JAK2: variants seen among roughly 807,000 people sequenced by gnomAD.
JAK2 encodes Janus kinase 2.
In JAK2, 86 loss-of-function variants were observed where a neutral mutation model predicts 139.3. That is an observed-to-expected ratio of 0.62 (90% CI 0.52 to 0.74). JAK2 has a LOEUF of 0.74. JAK2 is among the 30% of genes least tolerant of loss of function. JAK2 has a pLI of 0.00. For missense variants in JAK2, 1,421 were observed against 1,360.3 expected, an observed-to-expected ratio of 1.04 and a Z score of -0.70; for synonymous variants, 490 against 437.7, an observed-to-expected ratio of 1.12 and a Z score of -1.49.
rs1239611331 is a variant in JAK2, at chr9:5,128,221, T to C, written c.*1430T>C. The C allele has an allele frequency of 4.3e-6, 1 of 231,438 alleles. No homozygotes were observed. Among genetic ancestry groups the C allele is most frequent in the Non-Finnish European group, 8.6e-6 (1 of 116,882 alleles). The allele number at this position is 231,438 out of a possible 1,614,324, so 14.3% of individuals were successfully genotyped here. A position where few individuals can be genotyped will look rare whatever the true frequency, so the allele number is the denominator to read the frequency against. On this transcript the variant is annotated 3_prime_UTR_variant, in exon 25 of 25. Transcript: ENST00000381652. The stretch of plus-strand genomic sequence containing the variant: ...TGTTCTACTTTTTTGAAAGTTGTAC[T>C]GAAGACTTCTGATTTTGGGTTGAAG...
At chr9:5,033,812 C>A (rs549824949) in intron 4 of JAK2, among the ~76,000 whole-genome samples, 1 of 152,132 alleles carries the variant, frequency 6.6e-6, no homozygotes, top group East Asian at 1.9e-4. Flanking sequence ...ACCATCGAGG[C>A]TAGGAAGAAA....
intron 5 of JAK2, among the ~76,000 whole-genome samples, chr9:5,047,960 A>G (rs1369068033): frequency 1.3e-5 from 2 of 152,154 alleles, no homozygotes; most frequent in East Asian, 3.8e-4. Context: ...TATAATATTT[A>G]AGGAATAGTA....
chr9:5,044,304 G>C (rs1816838195), intron 4 of JAK2, 99 bp from the exon 5 acceptor site: 2 of 752,350 alleles, frequency 2.7e-6, no homozygotes, highest in African/African-American at 1.8e-5. Context: ...TCTAAGTATG[G>C]GATAATACCT....
rs145480096 is a variant in JAK2 at position 5,102,295 on chromosome 9, T to C, written c.3059+11384T>C. ...CAAGTGGAAGAAAGGGTATCAGTGA[T>C]TGAAGATCAAATTAATGAAATAAAG... is the stretch of plus-strand genomic sequence containing the variant. On this transcript the variant is annotated intron_variant, in intron 22 of 24. Transcript: ENST00000381652. Among the ~76,000 whole-genome samples, 277 of 152,174 alleles carry C rather than the reference T, an allele frequency of 1.8e-3. 2 individuals carry two copies. Among genetic ancestry groups the C allele is most frequent in the African/African-American group, 6.3e-3 (263 of 41,500 alleles).
chr9:5,017,103 A>G (rs1049372514), intron 2 of JAK2, among the ~76,000 whole-genome samples: 2 of 152,356 alleles, frequency 1.3e-5, no homozygotes, highest in East Asian at 3.9e-4. Context: ...GAGTGATAGC[A>G]GACTTCATAT....
At chr9:5,109,966 C>T (rs1390595547) in intron 22 of JAK2, 1 of 152,160 alleles carries the variant, frequency 6.6e-6, no homozygotes, top group African/African-American at 2.4e-5. Context: ...AATACAGCAG[C>T]CCTCCAAGCA....
chr9:5,069,158 C>G lies in JAK2; in HGVS notation c.1463C>G (p.Ser488Ter). The change falls in exon 11 of 25, where the codon TCA becomes TGA. Residue 488 changes from serine to a stop codon, truncating the protein, a stop_gained. Coordinates refer to ENST00000381652, the MANE Select transcript of JAK2 (RefSeq NM_004972.4). LOFTEE classifies it high-confidence loss of function. ...TGTTACCAGATGGAAACTGTTCGCT[C>G]AGACAATATAATTTTCCAGTTTACT... ...LNCYQMETVR[S>*]DNIIFQFTKC... is the part of the protein sequence containing the mutation. 1 of 1,612,086 alleles carries G rather than the reference C, an allele frequency of 6.2e-7. No individual in the cohort carries two copies.
At chr9:5,068,145 C>T (rs1455945352) in intron 10 of JAK2, among the ~76,000 whole-genome samples, 5 of 132,006 alleles carry the variant, frequency 3.8e-5, no homozygotes, top group African/African-American at 1.8e-4. Flanking sequence ...GGCGACAGAG[C>T]GAGACACGGT....
chr9:5,062,214 T>C (rs1204270253), intron 8 of JAK2, among the ~76,000 whole-genome samples: 1 of 151,962 alleles, frequency 6.6e-6, no homozygotes, highest in Non-Finnish European at 1.5e-5. Context: ...ACATTTTGCA[T>C]ATATGGGTTC....
chr9:5,055,098 C>T (rs1208183059), intron 7 of JAK2, among the ~76,000 whole-genome samples: 1 of 151,660 alleles, frequency 6.6e-6, no homozygotes, highest in Admixed American at 6.6e-5. Context: ...AAAATAATTA[C>T]CAATGACTAT....
intron 2 of JAK2, among the ~76,000 whole-genome samples, chr9:5,003,330 G>A (rs1160659978): frequency 1.3e-5 from 2 of 151,858 alleles, no homozygotes; most frequent in Non-Finnish European, 2.9e-5. Context: ...ACCATACTGA[G>A]TTTTTCTGTA....
intron 23 of JAK2, among the ~76,000 whole-genome samples, chr9:5,124,407 A>G (rs1823842629): frequency 6.6e-6 from 1 of 151,762 alleles, no homozygotes; most frequent in South Asian, 2.1e-4. Flanking sequence ...ATATGGGTCC[A>G]GTTTCATTCT....
At chr9:5,015,518 AT>A (rs1821985760) in intron 2 of JAK2, among the ~76,000 whole-genome samples, 2 of 148,088 alleles carry the variant, frequency 1.4e-5, no homozygotes, top group African/African-American at 2.5e-5. Flanking sequence ...TGATCATTGT[AT>A]TCTTTTTCTT....
In JAK2 at chr9:5,072,424, G is replaced by A. The variant is rs964976682; in HGVS notation, c.1642-68G>A. 3.1e-5 allele frequency: 37 copies of A among 1,186,554 alleles called. No homozygotes were observed. The African/African-American group carries it at 4.9e-4, about 16-fold the overall frequency. 73.5% of individuals were successfully genotyped at this position (1,186,554 alleles called of 1,614,324 possible). On this transcript the variant is annotated intron_variant, in intron 12 of 24. Transcript: ENST00000381652. The stretch of plus-strand genomic sequence containing the variant: ...TTAAAAAAATTCTTCCTCATTGAAT[G>A]TATTTTCTTGTTCCTACTTCGTTCT...
At chr9:5,065,068 T>A (rs1259446593) in intron 9 of JAK2, 28 bp downstream of exon 9, 1 of 1,450,670 alleles carries the variant, frequency 6.9e-7, no homozygotes, top group Non-Finnish European at 9.3e-7. Flanking sequence ...AAAAGTAAAT[T>A]TTTAGAAAAG....
rs1028544813 is a variant in JAK2, at chr9:5,107,385, A to G, written c.3060-15619A>G. Reference sequence around the variant, plus strand: ...CCAACTGCCTCCCCTTTTCCATAAAATTCTTCCTAGTAGCCAACACATTTC... The same window carrying G: ...CCAACTGCCTCCCCTTTTCCATAAAGTTCTTCCTAGTAGCCAACACATTTC... On this transcript the variant is annotated intron_variant, in intron 22 of 24. Coordinates refer to ENST00000381652, the MANE Select transcript of JAK2 (RefSeq NM_004972.4). Among the ~76,000 whole-genome samples the G allele has an allele frequency of 1.8e-4, 28 of 152,074 alleles. 1 individual carries two copies. Among genetic ancestry groups the G allele is most frequent in the African/African-American group, 6.0e-4 (25 of 41,378 alleles).
intron 21 of JAK2, 69 bp from the exon 22 acceptor site, chr9:5,090,670 A>T: frequency 6.6e-7 from 1 of 1,523,858 alleles, no homozygotes; most frequent in Non-Finnish European, 8.8e-7. Context: ...AAGGGAATAT[A>T]TAGGGTTAAG....
rs188138089 is a variant in JAK2 at position 5,041,142 on chromosome 9, G to A, written c.351-3261G>A. 4.2e-4 allele frequency: 450 copies of A among 1,065,444 alleles called. 2 individuals are homozygous for A. The East Asian group carries it at 5.5e-3, about 13-fold the overall frequency. 66.0% of individuals were successfully genotyped at this position (1,065,444 alleles called of 1,614,324 possible). On this transcript the variant is annotated intron_variant, in intron 4 of 24. Coordinates refer to ENST00000381652, the MANE Select transcript of JAK2 (RefSeq NM_004972.4). ...AAGACGGTGCTCCTGATCGCCATCC[G>A]GCTGATCACGCGCATGGATTATGTG...
At chr9:5,119,768 C>T (rs1227265817) in intron 22 of JAK2, among the ~76,000 whole-genome samples, 1 of 151,898 alleles carries the variant, frequency 6.6e-6, no homozygotes, top group African/African-American at 2.4e-5. Flanking sequence ...CTTATTTTTC[C>T]TCATGATCAA....
Sources: gnomAD v4.1 joint callset for allele counts (sites outside exome capture counted in the v4.1 genomes callset) on GRCh38, gnomAD v4.1.1 for gene constraint, MANE v1.5 for transcripts, NCBI Gene and HGNC (gene_info 2026-07-23, HGNC 2026-07-21) for gene names.